ZNF254: variants seen among roughly 807,000 people sequenced by gnomAD.
ZNF254 encodes the protein CTD-2017D11.1.
Under a neutral mutation model 12.4 loss-of-function variants are expected in ZNF254, and 10 were observed. That is an observed-to-expected ratio of 0.80 (90% CI 0.50 to 1.36). ZNF254 has a LOEUF of 1.36. ZNF254 is among the 40% of genes most tolerant of loss of function. ZNF254 has a pLI of 0.00. For missense variants in ZNF254, 996 were observed against 763.9 expected (o/e 1.30, Z -3.58); for synonymous variants, 305 against 253.4 (o/e 1.20, Z -1.93).
rs1975031417 is a variant in ZNF254 at position 24,128,177 on chromosome 19, G to A, written c.*197G>A. ...CTTTAAATGATTGTCACACTTGATTGTAGGTAAGATAATTCATACTGGAGA... is the reference window on the plus strand; with the variant it reads ...CTTTAAATGATTGTCACACTTGATTATAGGTAAGATAATTCATACTGGAGA... On this transcript the variant is annotated 3_prime_UTR_variant, in exon 4 of 4. Coordinates refer to ENST00000357002, the MANE Select transcript of ZNF254 (RefSeq NM_203282.4). 9.0e-6 allele frequency: 5 copies of A among 554,212 alleles called. No individual in the cohort carries two copies. In the Admixed American group the frequency reaches 1.5e-4, roughly 17 times the overall value. The allele number at this position is 554,212 out of a possible 1,614,324, so 34.3% of individuals were successfully genotyped here. A position where few individuals can be genotyped will look rare whatever the true frequency, so the allele number is the denominator to read the frequency against.
At chr19:24,105,715 A>T in intron 1 of ZNF254, 1 of 504,018 alleles carries the variant, frequency 2.0e-6, no homozygotes, top group Non-Finnish European at 3.1e-6. Flanking sequence ...TATCTTCCAG[A>T]CAAGTATCAC....
At chr19:24,071,898 C>T (rs934177004) in intron 2 of ZNF254, among the ~76,000 whole-genome samples, 1 of 152,124 alleles carries the variant, frequency 6.6e-6, no homozygotes, top group Admixed American at 6.5e-5. Flanking sequence ...GTCACATCAC[C>T]TAGGTGTTGG....
intron 2 of ZNF254, among the ~76,000 whole-genome samples, chr19:24,071,983 C>T (rs1012762526): frequency 6.6e-6 from 1 of 152,014 alleles, no homozygotes; most frequent in Non-Finnish European, 1.5e-5. Context: ...ATGGCTGGGT[C>T]CAACAGGTAG....
At chr19:24,045,057 C>G (rs1395152109) in intron 1 of ZNF254, among the ~76,000 whole-genome samples, 4 of 152,138 alleles carry the variant, frequency 2.6e-5, no homozygotes, top group Non-Finnish European at 5.9e-5. Flanking sequence ...GAGAGCCGGA[C>G]AGACTCCATT....
At chr19:24,112,351 A>G (rs1013865882) in intron 3 of ZNF254, among the ~76,000 whole-genome samples, 2 of 142,766 alleles carry the variant, frequency 1.4e-5, no homozygotes, top group Non-Finnish European at 3.1e-5. Flanking sequence ...TGGTTACTGT[A>G]GCCTTGTAGT....
At chr19:24,112,842 G>A (rs955508351) in intron 3 of ZNF254, among the ~76,000 whole-genome samples, 1 of 152,024 alleles carries the variant, frequency 6.6e-6, no homozygotes, top group Non-Finnish European at 1.5e-5. Flanking sequence ...AAATGATAAA[G>A]GGAATATCAC....
chr19:24,103,903 TAGGTAG>T (rs1973178265), intron 1 of ZNF254: 1 of 152,274 alleles, frequency 6.6e-6, no homozygotes, highest in Admixed American at 6.5e-5. Flanking sequence ...TTTTGTATGT[TAGGTAG>T]AGGTGGGGTT....
rs559346000 is a variant in ZNF254, at chr19:24,099,836, A to G, written c.31-6104A>G. On this transcript the variant is annotated intron_variant, in intron 1 of 3. Transcript: ENST00000357002. ...TCAGATTTAAGTGTGTAATGAAACA[A>G]TTTTCTGTCTGTTACATTATTGTGG... Among the ~76,000 whole-genome samples the G allele has an allele frequency of 3.3e-5, 5 of 152,256 alleles. 1 individual carries two copies. The South Asian group carries it at 1.0e-3, about 32-fold the overall frequency.
chr19:24,087,737 A>C (rs1032216560), intron 1 of ZNF254, among the ~76,000 whole-genome samples: 1 of 152,160 alleles, frequency 6.6e-6, no homozygotes, highest in African/African-American at 2.4e-5. Context: ...GCGTCACTGC[A>C]AAAATATTAA....
At chr19:24,036,227 TA>T (rs1043753813) in intron 1 of ZNF254, among the ~76,000 whole-genome samples, 10 of 145,378 alleles carry the variant, frequency 6.9e-5, no homozygotes, top group African/African-American at 2.8e-4. Context: ...CATGCTCGGC[TA>T]AATTTTTTTT....
intron 2 of ZNF254, among the ~76,000 whole-genome samples, chr19:24,062,022 T>C (rs1333865635): frequency 6.8e-6 from 1 of 147,732 alleles, no homozygotes; most frequent in Non-Finnish European, 1.5e-5. Flanking sequence ...GAGGTGGAGG[T>C]TGTGGTGAGC....
chr19:24,129,514 G>T lies in ZNF254; in HGVS notation c.*1534G>T, dbSNP rs900720953. The T allele has an allele frequency of 5.9e-5, 9 of 151,836 alleles. No individual in the cohort carries two copies. Among genetic ancestry groups the T allele is most frequent in the Non-Finnish European group, 1.3e-4 (9 of 67,838 alleles). The allele number at this position is 151,836 out of a possible 1,614,324, so 9.4% of individuals were successfully genotyped here. On this transcript the variant is annotated 3_prime_UTR_variant, in exon 4 of 4. Transcript: ENST00000357002. ...AATTGCCAATAAGTTAAAGAATATT[G>T]TTCCTATGGGTTAAATTTTTATTCT...
chr19:24,088,683 C>G (rs186692736), intron 1 of ZNF254, among the ~76,000 whole-genome samples: 47 of 152,072 alleles, frequency 3.1e-4, no homozygotes, highest in African/African-American at 1.1e-3. Context: ...GAGGCTTGCT[C>G]GGTCACCCCG....
intron 2 of ZNF254, among the ~76,000 whole-genome samples, chr19:24,049,802 A>G (rs906780443): frequency 6.6e-6 from 1 of 152,062 alleles, no homozygotes; most frequent in Admixed American, 6.6e-5. Context: ...CCCTGCCTAC[A>G]GAGGACATTG....
chr19:24,102,017 A>G (rs1461008550), intron 1 of ZNF254, among the ~76,000 whole-genome samples: 1 of 152,242 alleles, frequency 6.6e-6, no homozygotes, highest in African/African-American at 2.4e-5. Flanking sequence ...TCTATTTCAT[A>G]TAGTCATTAG....
intron 1 of ZNF254, among the ~76,000 whole-genome samples, chr19:24,036,609 A>G (rs1049145937): frequency 1.3e-5 from 2 of 152,148 alleles, no homozygotes; most frequent in African/African-American, 4.8e-5. Flanking sequence ...GTTGCTGTTC[A>G]GCAAACTCCA....
At chr19:24,116,392 A>G (rs1050276980) in intron 3 of ZNF254, among the ~76,000 whole-genome samples, 3 of 151,770 alleles carry the variant, frequency 2.0e-5, no homozygotes, top group African/African-American at 7.3e-5. Flanking sequence ...GCTTTTTTCA[A>G]TTCTTTTTAT....
In ZNF254 at chr19:24,128,198, G is replaced by A; in HGVS notation, c.*218G>A. ...GATTGTAGGTAAGATAATTCATACT[G>A]GAGAAAACTACCAGTGTGAACAACG... On this transcript the variant is annotated 3_prime_UTR_variant, in exon 4 of 4. Coordinates refer to ENST00000357002, the MANE Select transcript of ZNF254 (RefSeq NM_203282.4). 2.1e-6 allele frequency: 1 copy of A among 487,238 alleles called. No individual in the cohort carries two copies. The highest frequency in any genetic ancestry group is 3.4e-6 in the Non-Finnish European group (1 of 293,474). 30.2% of individuals were successfully genotyped at this position (487,238 alleles called of 1,614,324 possible).
intron 2 of ZNF254, among the ~76,000 whole-genome samples, chr19:24,048,010 T>TTA (rs1351419151): frequency 7.5e-6 from 1 of 132,876 alleles, no homozygotes; most frequent in Non-Finnish European, 1.6e-5. Flanking sequence ...CTTCTTTTTT[T>TTA]TTTTTTTTTT....
Sources: gnomAD v4.1 joint callset for allele counts (sites outside exome capture counted in the v4.1 genomes callset) on GRCh38, gnomAD v4.1.1 for gene constraint, MANE v1.5 for transcripts, NCBI Gene and HGNC (gene_info 2026-07-23, HGNC 2026-07-21) for gene names.